XCR1: variants seen among roughly 807,000 people sequenced by gnomAD.
XCR1 encodes chemokine XC receptor 1.
For missense variants in XCR1, 356 were observed against 424.2 expected (o/e 0.84, Z 1.41); for synonymous variants, 187 against 188.5 (o/e 0.99, Z 0.06).
At chr3:46,032,185 G>T (rs1559482664), upstream of XCR1, among the ~76,000 whole-genome samples, 1 of 152,234 alleles carries the variant, frequency 6.6e-6, no homozygotes. Flanking sequence ...CTTGCCATAT[G>T]GGCGAAGAGG....
Position 46,021,672 on chromosome 3 carries a change from G to A in XCR1, c.276C>T (p.His92=), listed in dbSNP as rs1559479144. Residue 92 remains histidine, a synonymous_variant, in exon 2 of 2, where the codon CAC becomes CAT. Coordinates refer to ENST00000309285, the MANE Select transcript of XCR1 (RefSeq NM_001024644.2). This position sits in a 1 kb window ranked among gnomAD's most constrained non-coding sequence, Gnocchi z 4.7. ...CLLPVWISPY[H]WGWVLGDFLC... ...GGAAGTCTCCCAGCACCCAGCCCCA[G>A]TGGTATGGGGAGATCCACACAGGCA... The A allele has an allele frequency of 1.9e-6, 3 of 1,613,026 alleles. No individual in the cohort carries two copies. Among genetic ancestry groups the A allele is most frequent in the East Asian group, 2.2e-5 (1 of 44,794 alleles).
intron 5 of XCR1, among the ~76,000 whole-genome samples, chr3:46,051,638 C>T (rs991728782): frequency 6.6e-6 from 1 of 152,214 alleles, no homozygotes; most frequent in African/African-American, 2.4e-5. Context: ...CCTTGTTTCT[C>T]CTTTTGTGGA....
intron 1 of XCR1, among the ~76,000 whole-genome samples, chr3:46,081,289 T>C (rs1053966016): frequency 6.6e-6 from 1 of 152,166 alleles, no homozygotes; most frequent in African/African-American, 2.4e-5. Context: ...TTTTAACCTC[T>C]CCTGGCCAAA....
chr3:46,060,842 C>T (rs1223008066), intron 4 of XCR1, among the ~76,000 whole-genome samples: 1 of 152,172 alleles, frequency 6.6e-6, no homozygotes, highest in Non-Finnish European at 1.5e-5. Context: ...ATCTGGCTGC[C>T]ACCATAATTG....
At position 46,017,428 on chromosome 3, in the gene XCR1, A is replaced by T. The variant is rs1708063513; in HGVS notation, c.*3518T>A. ...TGATGTTTAGGCCGGTGGGCCCCAGACAAGTTCACAAGAAGCTCATGGGGT... is the reference window on the plus strand; with the variant it reads ...TGATGTTTAGGCCGGTGGGCCCCAGTCAAGTTCACAAGAAGCTCATGGGGT... On this transcript the variant is annotated 3_prime_UTR_variant, in exon 2 of 2. Coordinates refer to ENST00000309285, the MANE Select transcript of XCR1 (RefSeq NM_001024644.2). 1 of 152,256 alleles carries T rather than the reference A, an allele frequency of 6.6e-6. No homozygotes were observed. Among genetic ancestry groups the T allele is most frequent in the Non-Finnish European group, 1.5e-5 (1 of 68,056 alleles). 9.4% of individuals were successfully genotyped at this position (152,256 alleles called of 1,614,324 possible).
At chr3:46,070,547 GT>G (rs1326295563) in intron 3 of XCR1, among the ~76,000 whole-genome samples, 2 of 151,634 alleles carry the variant, frequency 1.3e-5, no homozygotes, top group East Asian at 3.9e-4. Context: ...TGACCCTTGG[GT>G]TTTTTTAAGG....
At chr3:46,084,060 A>G (rs1258777981) in intron 1 of XCR1, among the ~76,000 whole-genome samples, 1 of 152,240 alleles carries the variant, frequency 6.6e-6, no homozygotes, top group Non-Finnish European at 1.5e-5. Context: ...ATGGTATTCC[A>G]GAGACTGGCG....
In XCR1 at chr3:46,021,635, G is replaced by T; in HGVS notation, c.313C>A (p.Leu105Ile). 6.2e-7 allele frequency: 1 copy of T among 1,613,860 alleles called. No homozygotes were observed. Among genetic ancestry groups the T allele is most frequent in the Non-Finnish European group, 8.5e-7 (1 of 1,179,942 alleles). ...AGGCTGATGGAGAAGATCATATTGA[G>T]GAGTTTGCAGAGGAAGTCTCCCAGC... ...WVLGDFLCKLLNMIFSISLYS... is the reference protein window; with the variant it reads ...WVLGDFLCKLINMIFSISLYS... The change falls in exon 2 of 2, where the codon CTC (leucine) becomes ATC (isoleucine). Residue 105 changes from leucine (L) to isoleucine (I), a missense_variant. By Grantham distance (5) the Leu-to-Ile change is conservative (BLOSUM62 2). Transcript: ENST00000309285. This position sits in a 1 kb window ranked among gnomAD's most constrained non-coding sequence, Gnocchi z 4.7.
chr3:46,069,305 T>C (rs959125676), intron 3 of XCR1, among the ~76,000 whole-genome samples: 1 of 152,074 alleles, frequency 6.6e-6, no homozygotes, highest in African/African-American at 2.4e-5. Flanking sequence ...CACAAAAAGA[T>C]TGTTCTTTGA....
chr3:46,077,109 A>G (rs1280115240), intron 1 of XCR1, among the ~76,000 whole-genome samples: 1 of 152,132 alleles, frequency 6.6e-6, no homozygotes, highest in African/African-American at 2.4e-5. Flanking sequence ...AAAATGCCAT[A>G]TACCATAATC....
chr3:46,032,649 C>T (rs1326872404), intron 5 of XCR1, among the ~76,000 whole-genome samples: 1 of 152,210 alleles, frequency 6.6e-6, no homozygotes, highest in East Asian at 1.9e-4. Context: ...AAGAGACCCC[C>T]CAAAGATCTT....
In XCR1 at chr3:46,018,843, C is replaced by T. The variant is rs1184183158; in HGVS notation, c.*2103G>A. On this transcript the variant is annotated 3_prime_UTR_variant, in exon 2 of 2. Coordinates refer to ENST00000309285, the MANE Select transcript of XCR1 (RefSeq NM_001024644.2). ...CAAGATATTGAGTGTCTTCTGTGTG[C>T]AAATCCCTGCTCAAGGGACTGTAGA... 1 of 152,194 alleles carries T rather than the reference C, an allele frequency of 6.6e-6. No individual in the cohort carries two copies. The highest frequency in any genetic ancestry group is 2.4e-5 in the African/African-American group (1 of 41,454). The allele number at this position is 152,194 out of a possible 1,614,324, so 9.4% of individuals were successfully genotyped here. A position where few individuals can be genotyped will look rare whatever the true frequency, so the allele number is the denominator to read the frequency against.
At chr3:46,052,348 G>A (rs760859423) in intron 5 of XCR1, among the ~76,000 whole-genome samples, 1 of 152,100 alleles carries the variant, frequency 6.6e-6, no homozygotes, top group Non-Finnish European at 1.5e-5. Context: ...TGTTTGTGGG[G>A]CCCGGGTCCA....
chr3:46,062,385 T>G (rs1315003017), intron 4 of XCR1, among the ~76,000 whole-genome samples: 1 of 152,200 alleles, frequency 6.6e-6, no homozygotes, highest in East Asian at 1.9e-4. Flanking sequence ...ATGACTGAAC[T>G]TGGAGCCCTC....
chr3:46,075,308 C>CAAAAAAA (rs56787185), intron 2 of XCR1, among the ~76,000 whole-genome samples: 48 of 61,588 alleles, frequency 7.8e-4, no homozygotes, highest in East Asian at 1.3e-3. Context: ...GCTCATAGAC[C>CAAAAAAA]AAAAAAAAAA....
At chr3:46,030,766 C>T (rs1708380892), upstream of XCR1, among the ~76,000 whole-genome samples, 1 of 152,158 alleles carries the variant, frequency 6.6e-6, no homozygotes, top group Non-Finnish European at 1.5e-5. Flanking sequence ...CCCTGCATCC[C>T]CATGCCCTGC....
At chr3:46,067,191 G>T (rs973493084) in intron 3 of XCR1, among the ~76,000 whole-genome samples, 1 of 152,182 alleles carries the variant, frequency 6.6e-6, no homozygotes, top group African/African-American at 2.4e-5. Context: ...GAGGCAGTGT[G>T]GTAAGTTCTA....
At chr3:46,049,665 A>G (rs1697702704) in intron 5 of XCR1, among the ~76,000 whole-genome samples, 1 of 152,334 alleles carries the variant, frequency 6.6e-6, no homozygotes, top group Non-Finnish European at 1.5e-5. Context: ...CTGAAACCCC[A>G]GAGGTCATTA....
intron 1 of XCR1, among the ~76,000 whole-genome samples, chr3:46,025,745 G>A (rs944001928): frequency 1.3e-5 from 2 of 151,974 alleles, no homozygotes; most frequent in African/African-American, 4.8e-5. Flanking sequence ...TTAAACATTT[G>A]GGGAAGAAAT....
Sources: gnomAD v4.1 joint callset for allele counts (sites outside exome capture counted in the v4.1 genomes callset) on GRCh38, gnomAD v4.1.1 for gene constraint, Gnocchi (gnomAD v3.1) non-coding constraint, MANE v1.5 for transcripts, NCBI Gene and HGNC (gene_info 2026-07-23, HGNC 2026-07-21) for gene names.